The following RBFOX3 variants were observed in gnomAD, a reference collection of about 807,000 sequenced individuals.
RBFOX3 encodes the protein RNA binding protein fox-1 homolog 3.
Under a neutral mutation model 48.7 loss-of-function variants are expected in RBFOX3, and 17 were observed. That is an observed-to-expected ratio of 0.35 (90% CI 0.24 to 0.52). The LOEUF (loss-of-function observed/expected upper bound fraction) is 0.52, where lower values mean the gene tolerates loss of function less well. Ranked by LOEUF, RBFOX3 falls within the 20% of genes least tolerant of loss-of-function variation. The probability of loss-of-function intolerance (pLI) is 0.94; values close to 1 mark genes in which losing one functional copy is unlikely to be tolerated. For synonymous variants in RBFOX3, 212 were observed against 209.5 expected (o/e 1.01, Z -0.10); for missense variants, 382 against 497.5 (o/e 0.77, Z 2.21).
chr17:79,499,540 G>T (rs1598953010), intron 1 of RBFOX3, among the ~76,000 whole-genome samples: 1 of 152,340 alleles, frequency 6.6e-6, no homozygotes, highest in East Asian at 1.9e-4. Flanking sequence ...CAGGGGCAGG[G>T]TTTGGAGGTC....
intron 2 of RBFOX3, among the ~76,000 whole-genome samples, chr17:79,318,712 G>A (rs1026440881): frequency 5.3e-5 from 8 of 151,906 alleles, no homozygotes; most frequent in African/African-American, 1.9e-4. Context: ...AAAATTAGCT[G>A]AGTGTGGTGG....
intron 2 of RBFOX3, among the ~76,000 whole-genome samples, chr17:79,318,026 A>AT (rs1159552781): frequency 3.3e-5 from 5 of 152,072 alleles, no homozygotes; most frequent in Admixed American, 1.3e-4. Context: ...CTGTCTGTGG[A>AT]TTGGGAAAAA....
intron 3 of RBFOX3, among the ~76,000 whole-genome samples, chr17:79,241,540 G>A (rs577961256): frequency 1.3e-5 from 2 of 152,284 alleles, no homozygotes; most frequent in South Asian, 4.1e-4. Context: ...GGAAGGTGCT[G>A]AGGAAGGTGA....
At chr17:79,167,652 G>A (rs1047767846) in intron 4 of RBFOX3, among the ~76,000 whole-genome samples, 1 of 152,142 alleles carries the variant, frequency 6.6e-6, no homozygotes, top group South Asian at 2.1e-4. Flanking sequence ...GCCTGCCCCC[G>A]CAGAGGAAGC....
At chr17:79,495,979 G>A (rs2081476214) in intron 1 of RBFOX3, among the ~76,000 whole-genome samples, 2 of 152,148 alleles carry the variant, frequency 1.3e-5, no homozygotes, top group African/African-American at 4.8e-5. Context: ...CAGAAGCATG[G>A]CCCCTGGTTA....
In RBFOX3 at chr17:79,394,687, C is replaced by T. The variant is rs116325502; in HGVS notation, c.-174-86863G>A. Among the ~76,000 whole-genome samples the T allele has an allele frequency of 9.3e-3, 1,419 of 152,338 alleles. 27 individuals carry two copies. The highest frequency in any genetic ancestry group is 0.032 in the African/African-American group (1,341 of 41,566). On this transcript the variant is annotated intron_variant, in intron 2 of 14. Transcript: ENST00000693108. ...TCTTGTCTGAAGCCTTGGACCATGC[C>T]TCTTTATCCAAGTCTCTTTGCACAG...
At chr17:79,664,492 G>A in the RBFOX3 span, among the ~76,000 whole-genome samples, 3 of 151,958 alleles carry the variant, frequency 2.0e-5, no homozygotes, top group African/African-American at 7.3e-5. Flanking sequence ...GACTACAGGC[G>A]CCCACCACCT....
chr17:79,221,605 T>C (rs1325035198), intron 4 of RBFOX3, among the ~76,000 whole-genome samples: 1 of 152,140 alleles, frequency 6.6e-6, no homozygotes, highest in Non-Finnish European at 1.5e-5. Context: ...CCAGCTGTGG[T>C]AAGGTGGGGT....
At position 79,097,333 on chromosome 17, in the gene RBFOX3, A is replaced by C. The variant is rs1599396290; in HGVS notation, c.714T>G (p.Phe238Leu). 1.3e-6 allele frequency: 2 copies of C among 1,546,354 alleles called. No homozygotes were observed. The highest frequency in any genetic ancestry group is 1.7e-6 in the Non-Finnish European group (2 of 1,144,664). ...RGRGRAVYNT[F>L]RAAPPPPPIP... ...TGGGGGGTGGGGGTGGCGCAGCCCG[A>C]AATGTATTATACACGGCCCGGCCCC... The change falls in exon 11 of 15, where the codon TTT becomes TTG. Residue 238 changes from phenylalanine to leucine, a missense_variant. By Grantham distance (22) the Phe-to-Leu change is conservative (BLOSUM62 0). This residue lies in a region of RBFOX3 where 215 missense variants were observed against 254.8 expected (regional missense o/e 0.84). Coordinates refer to ENST00000693108, the MANE Select transcript of RBFOX3 (RefSeq NM_001350451.2).
At chr17:79,234,708 G>A (rs2061424350) in intron 4 of RBFOX3, 1 of 143,298 alleles carries the variant, frequency 7.0e-6, no homozygotes, top group Non-Finnish European at 1.5e-5. Flanking sequence ...GGGTTTATTG[G>A]GGGCATTAAG....
intron 4 of RBFOX3, among the ~76,000 whole-genome samples, chr17:79,214,000 C>G (rs1283290498): frequency 6.6e-6 from 1 of 152,226 alleles, no homozygotes; most frequent in Non-Finnish European, 1.5e-5. Context: ...GCGGATCAGA[C>G]TTGGTTCCGT....
chr17:79,530,124 C>G (rs943282975), intron 1 of RBFOX3, among the ~76,000 whole-genome samples: 1 of 152,168 alleles, frequency 6.6e-6, no homozygotes, highest in Non-Finnish European at 1.5e-5. Flanking sequence ...GAGGCAGCAT[C>G]GAGCACAGCC....
At chr17:79,647,648 T>C in the RBFOX3 span, among the ~76,000 whole-genome samples, 1 of 152,090 alleles carries the variant, frequency 6.6e-6, no homozygotes, top group Admixed American at 6.5e-5. Context: ...GAGAAGCACA[T>C]GCCACACAGA....
At chr17:79,442,054 TC>T (rs1196726043) in intron 2 of RBFOX3, among the ~76,000 whole-genome samples, 1 of 151,316 alleles carries the variant, frequency 6.6e-6, no homozygotes, top group Non-Finnish European at 1.5e-5. Flanking sequence ...AAGATGCTCT[TC>T]AAAGGCCCTG....
At chr17:79,431,871 T>C (rs985392742) in intron 2 of RBFOX3, among the ~76,000 whole-genome samples, 1 of 152,264 alleles carries the variant, frequency 6.6e-6, no homozygotes, top group Admixed American at 6.5e-5. Flanking sequence ...TTTGCTTTGC[T>C]GTCCAGCCAT....
chr17:79,145,204 C>T (rs2042775088), intron 4 of RBFOX3, among the ~76,000 whole-genome samples: 1 of 152,174 alleles, frequency 6.6e-6, no homozygotes, highest in African/African-American at 2.4e-5. Flanking sequence ...CAGCCAGGAC[C>T]CCCAACACAG....
intron 1 of RBFOX3, among the ~76,000 whole-genome samples, chr17:79,529,348 G>A (rs1363600086): frequency 2.0e-5 from 3 of 152,194 alleles, no homozygotes; most frequent in Non-Finnish European, 4.4e-5. Context: ...CAGAAGACAG[G>A]GTTTGAATTC....
intron 2 of RBFOX3, among the ~76,000 whole-genome samples, chr17:79,344,940 T>C (rs1445305490): frequency 1.3e-5 from 2 of 152,214 alleles, no homozygotes; most frequent in Admixed American, 6.5e-5. Context: ...CATTTGACCC[T>C]CTGACTGCAA....
intron 2 of RBFOX3, among the ~76,000 whole-genome samples, chr17:79,442,338 AGGGAGGGAGGGAGGAAGAGGGGGG>A: frequency 2.7e-5 from 1 of 37,202 alleles, no homozygotes; most frequent in African/African-American, 1.3e-4. Flanking sequence ...AGAGAGAGGG[AGGGAGGGAGGGAGGAAGAGGGGGG>A]GAGAGAGAGA....
Sources: gnomAD v4.1 joint callset for allele counts (sites outside exome capture counted in the v4.1 genomes callset) on GRCh38, gnomAD v4.1.1 for gene constraint, gnomAD v4.1.1 regional missense constraint, MANE v1.5 for transcripts, NCBI Gene and HGNC (gene_info 2026-07-23, HGNC 2026-07-21) for gene names.